RGMA: variants seen among roughly 807,000 people sequenced by gnomAD.
The protein encoded by RGMA is repulsive guidance molecule BMP co-receptor a, also known as repulsive guidance molecule A.
In RGMA, 10 loss-of-function variants were observed where a neutral mutation model predicts 23.2. The observed-to-expected ratio is 0.43, with a 90% CI of 0.27 to 0.73. The LOEUF (loss-of-function observed/expected upper bound fraction) is 0.73, where lower values mean the gene tolerates loss of function less well. Ranked by LOEUF, RGMA falls within the 30% of genes least tolerant of loss-of-function variation. The pLI is 0.20. For synonymous variants in RGMA, 308 were observed against 279.3 expected (o/e 1.10, Z -1.03); for missense variants, 547 against 630.5 (o/e 0.87, Z 1.42).
chr15:93,053,621 C>T (rs937964309), intron 2 of RGMA, among the ~76,000 whole-genome samples: 5 of 152,198 alleles, frequency 3.3e-5, no homozygotes, highest in African/African-American at 1.2e-4. Flanking sequence ...CATTTGAGGG[C>T]AGGCTAACGC....
intron 1 of RGMA, among the ~76,000 whole-genome samples, chr15:93,081,251 G>A (rs11857056): frequency 0.015 from 2,251 of 152,208 alleles, 29 homozygotes; most frequent in South Asian, 0.022. Flanking sequence ...AATAGATACT[G>A]GCTCTGTAAC....
chr15:93,068,874 A>C (rs546217910), intron 2 of RGMA, among the ~76,000 whole-genome samples: 1 of 152,360 alleles, frequency 6.6e-6, no homozygotes, highest in East Asian at 1.9e-4. Context: ...CTGCCCTGTG[A>C]GGACAGAGCT....
chr15:93,051,920 C>A, intron 3 of RGMA, 73 bp downstream of exon 3: 1 of 1,453,584 alleles, frequency 6.9e-7, no homozygotes, highest in Non-Finnish European at 9.2e-7. Context: ...GAGGCCCTCT[C>A]AGCCTCTCAG....
chr15:93,088,474 C>T (rs1314025528), intron 1 of RGMA: 2 of 987,936 alleles, frequency 2.0e-6, no homozygotes, highest in Non-Finnish European at 1.2e-6. Flanking sequence ...CCGACATCCC[C>T]GAGGGCAGGA....
In RGMA at chr15:93,044,822, G is replaced by T; in HGVS notation, c.*176C>A. ...TCATGGCACCAGTCACCACAACCTT[G>T]TCACGTGCACTAGAAGGGGAGGGGT... On this transcript the variant is annotated 3_prime_UTR_variant, in exon 4 of 4. Transcript: ENST00000329082. The T allele has an allele frequency of 1.6e-6, 1 of 610,878 alleles. No homozygotes were observed. 37.8% of individuals were successfully genotyped at this position (610,878 alleles called of 1,614,324 possible). A position where few individuals can be genotyped will look rare whatever the true frequency, so the allele number is the denominator to read the frequency against.
intron 1 of RGMA, among the ~76,000 whole-genome samples, chr15:93,078,759 G>C (rs1026777731): frequency 6.6e-5 from 10 of 152,244 alleles, no homozygotes; most frequent in Admixed American, 2.6e-4. Context: ...GGTTTGGGTA[G>C]AGCCCAGGTA....
At chr15:93,064,956 C>G (rs1895092698) in intron 2 of RGMA, among the ~76,000 whole-genome samples, 1 of 152,014 alleles carries the variant, frequency 6.6e-6, no homozygotes, top group South Asian at 2.1e-4. Context: ...CCACACAGTA[C>G]AGAGTCCAAT....
chr15:93,072,176 T>C (rs949150754), intron 2 of RGMA, among the ~76,000 whole-genome samples: 70 of 150,580 alleles, frequency 4.6e-4, no homozygotes, highest in African/African-American at 1.4e-3. Flanking sequence ...CTCTGTGGAG[T>C]TGGTCTCCCT....
At position 93,078,812 on chromosome 15, in the gene RGMA, T is replaced by C. The variant is rs79250612; in HGVS notation, c.15-5781A>G. Among the ~76,000 whole-genome samples the C allele has an allele frequency of 3.3e-3, 500 of 152,362 alleles. 4 individuals carry two copies. The highest frequency in any genetic ancestry group is 0.011 in the African/African-American group (464 of 41,584). On this transcript the variant is annotated intron_variant, in intron 1 of 3. Coordinates refer to ENST00000329082, the MANE Select transcript of RGMA (RefSeq NM_020211.3). ...TGTTTTCCAATATCGTTTCTGACAG[T>C]ATTTTAGCATTTTCTGAACACTTGG...
chr15:93,070,516 C>T (rs1481383001), intron 2 of RGMA, among the ~76,000 whole-genome samples: 4 of 152,224 alleles, frequency 2.6e-5, no homozygotes, highest in African/African-American at 9.6e-5. Flanking sequence ...TCCTAAGCGG[C>T]CCCTCTCCTG....
chr15:93,083,311 T>A (rs1026567953), intron 1 of RGMA, among the ~76,000 whole-genome samples: 10 of 152,202 alleles, frequency 6.6e-5, no homozygotes, highest in Admixed American at 5.9e-4. Context: ...ACCAAGTGTT[T>A]CAGGAAAGCA....
intron 2 of RGMA, among the ~76,000 whole-genome samples, chr15:93,068,498 G>A (rs1051721145): frequency 2.6e-5 from 4 of 152,212 alleles, no homozygotes; most frequent in African/African-American, 9.7e-5. Flanking sequence ...GAGCGCTGGA[G>A]TGACTACTAG....
At chr15:93,066,287 G>A (rs1281232483) in intron 2 of RGMA, 3 of 1,001,016 alleles carry the variant, frequency 3.0e-6, no homozygotes, top group Non-Finnish European at 4.8e-6. Context: ...CTTCCTTGGC[G>A]TCATTCCTGT....
At chr15:93,086,392 G>GCTT (rs1895635274) in intron 1 of RGMA, among the ~76,000 whole-genome samples, 1 of 152,208 alleles carries the variant, frequency 6.6e-6, no homozygotes, top group African/African-American at 2.4e-5. Flanking sequence ...TGGATGGCAG[G>GCTT]CTTCTTGATG....
chr15:93,064,069 C>G (rs1304972004), intron 2 of RGMA, among the ~76,000 whole-genome samples: 1 of 152,192 alleles, frequency 6.6e-6, no homozygotes, highest in Non-Finnish European at 1.5e-5. Flanking sequence ...CTCCCATCCC[C>G]CAGTTCCTCC....
At chr15:93,076,526 T>C (rs976168018) in intron 1 of RGMA, among the ~76,000 whole-genome samples, 3 of 152,202 alleles carry the variant, frequency 2.0e-5, no homozygotes, top group Admixed American at 6.5e-5. Context: ...TCTGAATTGC[T>C]GGTAGAAACA....
chr15:93,088,841 C>A (rs1381935139), intron 1 of RGMA, 78 bp downstream of exon 1: 12 of 1,322,004 alleles, frequency 9.1e-6, no homozygotes, highest in Non-Finnish European at 1.0e-5. Flanking sequence ...ACCAAAGCAG[C>A]GCCGTGGCCC....
intron 1 of RGMA, chr15:93,088,475 G>T (rs1384843880): frequency 2.6e-5 from 26 of 987,970 alleles, no homozygotes; most frequent in Non-Finnish European, 3.0e-5. Context: ...CGACATCCCC[G>T]AGGGCAGGAG....
At position 93,045,357 on chromosome 15, in the gene RGMA, T is replaced by TGTG. The variant is rs2054805691; in HGVS notation, c.991_993dup (p.His331dup). On this transcript the variant is annotated inframe_insertion, in exon 4 of 4. Coordinates refer to ENST00000329082, the MANE Select transcript of RGMA (RefSeq NM_020211.3). The surrounding 1 kb of genome is among the most constrained non-coding windows in gnomAD (Gnocchi z 6.9). ...CGGGCACCGGTGCCCTCAGCATTGG[T>TGTG]GTGGAAGGCCTGGAAGTCGATCTGC... 1.2e-6 allele frequency: 2 copies of TGTG among 1,610,934 alleles called. No individual in the cohort carries two copies. The highest frequency in any genetic ancestry group is 1.7e-6 in the Non-Finnish European group (2 of 1,179,296).
Sources: gnomAD v4.1 joint callset for allele counts (sites outside exome capture counted in the v4.1 genomes callset) on GRCh38, gnomAD v4.1.1 for gene constraint, Gnocchi (gnomAD v3.1) non-coding constraint, MANE v1.5 for transcripts, NCBI Gene and HGNC (gene_info 2026-07-23, HGNC 2026-07-21) for gene names.